Variants in FOXP1 observed in about 807,000 individuals in gnomAD.
FOXP1 encodes the protein forkhead box protein P1.
FOXP1 carries 15 observed loss-of-function variants against 98.2 expected under a neutral mutation model. The ratio of observed to expected loss-of-function variants is 0.15; its 90% confidence interval spans 0.10 to 0.24. FOXP1 has a LOEUF of 0.24. Ranked by LOEUF, FOXP1 falls within the 10% of genes least tolerant of loss-of-function variation. The pLI is 1.00. For missense variants in FOXP1, 633 were observed against 848.5 expected (o/e 0.75, Z 3.15); for synonymous variants, 371 against 314.5 (o/e 1.18, Z -1.90).
At chr3:71,508,825 T>C (rs2042005951) in intron 2 of FOXP1, among the ~76,000 whole-genome samples, 1 of 152,212 alleles carries the variant, frequency 6.6e-6, no homozygotes. Context: ...ATTCCAGCTC[T>C]GACCCTGGCT....
chr3:71,000,548 C>G (rs2041988216), intron 13 of FOXP1, among the ~76,000 whole-genome samples: 1 of 152,184 alleles, frequency 6.6e-6, no homozygotes, highest in South Asian at 2.1e-4. Context: ...CTCTCAAACT[C>G]TCTTTCCCCA....
chr3:71,157,158 A>G (rs920530764), intron 6 of FOXP1, among the ~76,000 whole-genome samples: 5 of 152,204 alleles, frequency 3.3e-5, no homozygotes, highest in African/African-American at 9.7e-5. Context: ...GCAAACCACC[A>G]GGAGAATGTT....
At chr3:71,245,539 G>A (rs934217626) in intron 5 of FOXP1, among the ~76,000 whole-genome samples, 6 of 152,112 alleles carry the variant, frequency 3.9e-5, no homozygotes, top group Admixed American at 6.5e-5. Flanking sequence ...ATCCCTTGCA[G>A]AGATACAAGC....
chr3:71,187,509 G>T (rs1476623390), intron 6 of FOXP1, among the ~76,000 whole-genome samples: 1 of 152,144 alleles, frequency 6.6e-6, no homozygotes, highest in African/African-American at 2.4e-5. Flanking sequence ...CTTGAACCTG[G>T]GAGGCAAAGG....
At chr3:71,087,998 G>A (rs537793792) in intron 7 of FOXP1, among the ~76,000 whole-genome samples, 3 of 152,326 alleles carry the variant, frequency 2.0e-5, no homozygotes, top group Middle Eastern at 3.4e-3. Context: ...CTGGCTTAGT[G>A]TGCAAATGTA....
chr3:71,552,995 T>C (rs2045883097), intron 2 of FOXP1, among the ~76,000 whole-genome samples: 1 of 152,118 alleles, frequency 6.6e-6, no homozygotes, highest in Admixed American at 6.5e-5. Flanking sequence ...ATTTTTATTA[T>C]TTTCATAAAA....
intron 5 of FOXP1, among the ~76,000 whole-genome samples, chr3:71,216,785 C>T (rs1051062457): frequency 1.3e-5 from 2 of 152,118 alleles, no homozygotes; most frequent in Admixed American, 6.5e-5. Flanking sequence ...ATCTGCCTAA[C>T]AATCTGTCCT....
At chr3:71,218,749 G>A (rs2065131306) in intron 5 of FOXP1, among the ~76,000 whole-genome samples, 1 of 152,174 alleles carries the variant, frequency 6.6e-6, no homozygotes, top group Non-Finnish European at 1.5e-5. Flanking sequence ...TACAAAACAG[G>A]CGACAGCTGG....
intron 5 of FOXP1, among the ~76,000 whole-genome samples, chr3:71,200,780 A>C (rs2063623138): frequency 6.6e-6 from 1 of 152,260 alleles, no homozygotes; most frequent in East Asian, 1.9e-4. Flanking sequence ...GGGAAATTTC[A>C]ATCTTTGGGT....
At chr3:71,140,095 C>T (rs2059996582) in intron 6 of FOXP1, among the ~76,000 whole-genome samples, 1 of 152,134 alleles carries the variant, frequency 6.6e-6, no homozygotes, top group Non-Finnish European at 1.5e-5. Context: ...CTAAAATCTA[C>T]TGTAACTTTT....
At chr3:71,406,405 G>GTATATATATATATATATA (rs60423991) in intron 3 of FOXP1, among the ~76,000 whole-genome samples, 1,343 of 105,820 alleles carry the variant, frequency 0.013, 196 homozygotes, top group Middle Eastern at 0.027. Flanking sequence ...AACTGTATGT[G>GTATATATATATATATATA]TATATATATA....
At chr3:70,968,291 G>A (rs566153825) in intron 19 of FOXP1, 17 of 150,560 alleles carry the variant, frequency 1.1e-4, no homozygotes, top group Admixed American at 8.6e-4. Flanking sequence ...CACGCTCTCT[G>A]TTAAGCAAGT....
chr3:71,211,335 A>G (rs1296984703), intron 5 of FOXP1, among the ~76,000 whole-genome samples: 1 of 152,098 alleles, frequency 6.6e-6, no homozygotes, highest in Non-Finnish European at 1.5e-5. Context: ...CTTCCCGAGT[A>G]GCTGGGATTA....
chr3:71,378,495 G>A (rs2079900129), intron 3 of FOXP1, among the ~76,000 whole-genome samples: 1 of 152,052 alleles, frequency 6.6e-6, no homozygotes, highest in Non-Finnish European at 1.5e-5. Flanking sequence ...CTACCCACAT[G>A]AGTCATTGCT....
chr3:71,439,948 A>AG (rs1285464553), intron 3 of FOXP1, among the ~76,000 whole-genome samples: 8 of 67,784 alleles, frequency 1.2e-4, no homozygotes, highest in South Asian at 3.6e-4. Context: ...ACTCTGTCTC[A>AG]GGAAAAAAAA....
intron 5 of FOXP1, among the ~76,000 whole-genome samples, chr3:71,221,990 T>C (rs2065428552): frequency 6.6e-6 from 1 of 152,048 alleles, no homozygotes. Context: ...CTGTCTCTAC[T>C]AAAAATACAA....
chr3:71,529,416 C>T (rs768164322), intron 2 of FOXP1, among the ~76,000 whole-genome samples: 1 of 152,172 alleles, frequency 6.6e-6, no homozygotes, highest in Non-Finnish European at 1.5e-5. Flanking sequence ...TTTCTTGGCA[C>T]ATAGTCCTTA....
chr3:71,181,608 C>T (rs1462709182), intron 6 of FOXP1, among the ~76,000 whole-genome samples: 2 of 152,114 alleles, frequency 1.3e-5, no homozygotes, highest in South Asian at 2.1e-4. Flanking sequence ...TTAAATCAGT[C>T]TCTAGCAGAA....
chr3:71,199,842 C>A (rs1209778779), intron 5 of FOXP1, among the ~76,000 whole-genome samples: 1 of 151,600 alleles, frequency 6.6e-6, no homozygotes, highest in African/African-American at 2.4e-5. Flanking sequence ...CTTTGGGAGG[C>A]CGAGGCGGGT....
Sources: allele counts gnomAD v4.1 joint callset (sites outside exome capture counted in the v4.1 genomes callset), GRCh38; gene constraint gnomAD v4.1.1; transcripts MANE v1.5; gene names NCBI Gene and HGNC (gene_info 2026-07-23, HGNC 2026-07-21).